FSTL4: variants seen among roughly 807,000 people sequenced by gnomAD.
FSTL4 encodes follistatin-related protein 4.
In FSTL4, 28 loss-of-function variants were observed where a neutral mutation model predicts 78.2. The ratio of observed to expected loss-of-function variants is 0.36; its 90% CI spans 0.27 to 0.49. FSTL4 has a LOEUF of 0.49. Among genes scored for constraint, FSTL4 ranks in the 20% least tolerant of loss-of-function variants. The probability of loss-of-function intolerance (pLI) is 0.98; values close to 1 mark genes in which losing one functional copy is unlikely to be tolerated. For missense variants in FSTL4, 922 were observed against 1,084.9 expected, an observed-to-expected ratio of 0.85 and a Z score of 2.11; for synonymous variants, 422 against 440.5, an observed-to-expected ratio of 0.96 and a Z score of 0.53.
At chr5:133,285,227 G>C (rs1753103489) in intron 6 of FSTL4, among the ~76,000 whole-genome samples, 1 of 152,238 alleles carries the variant, frequency 6.6e-6, no homozygotes, top group Admixed American at 6.5e-5. Flanking sequence ...AGAGAGAGAA[G>C]TCAAGAAATA....
At chr5:133,755,521 C>G in the FSTL4 span, among the ~76,000 whole-genome samples, 3 of 152,194 alleles carry the variant, frequency 2.0e-5, no homozygotes, top group Non-Finnish European at 2.9e-5. Flanking sequence ...TCTCCTCCCC[C>G]TGCCCACCAC....
the FSTL4 span, among the ~76,000 whole-genome samples, chr5:133,679,269 A>C: frequency 6.6e-6 from 1 of 152,150 alleles, no homozygotes; most frequent in Non-Finnish European, 1.5e-5. Flanking sequence ...GGAGGAAAGC[A>C]GATGTTCAGC....
chr5:133,206,393 T>C (rs1019146084), intron 14 of FSTL4, among the ~76,000 whole-genome samples: 21 of 152,274 alleles, frequency 1.4e-4, no homozygotes, highest in Admixed American at 6.5e-4. Context: ...TCTCATTCTG[T>C]CACCCAGGCT....
chr5:133,489,636 T>C (rs1758216660), intron 3 of FSTL4, among the ~76,000 whole-genome samples: 1 of 152,126 alleles, frequency 6.6e-6, no homozygotes, highest in Non-Finnish European at 1.5e-5. Flanking sequence ...TGGAGGAAAG[T>C]TCCCTTTTAG....
chr5:133,510,717 C>G (rs1206506241), intron 3 of FSTL4, among the ~76,000 whole-genome samples: 1 of 152,078 alleles, frequency 6.6e-6, no homozygotes, highest in Non-Finnish European at 1.5e-5. Context: ...TGAGAGCGCT[C>G]TCTTCATGGA....
At chr5:133,324,772 A>G (rs1276821364) in intron 4 of FSTL4, among the ~76,000 whole-genome samples, 1 of 152,224 alleles carries the variant, frequency 6.6e-6, no homozygotes, top group African/African-American at 2.4e-5. Flanking sequence ...TGCCCTGAAG[A>G]GGAGACAATC....
chr5:133,410,529 C>T (rs1053729170), intron 3 of FSTL4, among the ~76,000 whole-genome samples: 8 of 152,208 alleles, frequency 5.3e-5, no homozygotes, highest in Admixed American at 6.5e-5. Context: ...TGTGGAGTTA[C>T]TCTGTGAGCC....
the FSTL4 span, among the ~76,000 whole-genome samples, chr5:133,685,421 A>G: frequency 6.6e-6 from 1 of 152,246 alleles, no homozygotes; most frequent in Non-Finnish European, 1.5e-5. Flanking sequence ...ATCTCCGTCC[A>G]TATAGCAGTG....
chr5:133,406,630 G>T (rs1756369157), intron 3 of FSTL4, among the ~76,000 whole-genome samples: 1 of 152,170 alleles, frequency 6.6e-6, no homozygotes. Flanking sequence ...CAAGGGTTGG[G>T]ATGAGAATCT....
the FSTL4 span, among the ~76,000 whole-genome samples, chr5:133,787,630 T>C: frequency 8.8e-6 from 1 of 114,270 alleles, no homozygotes; most frequent in East Asian, 3.0e-4. Flanking sequence ...GCAGCCAAAA[T>C]CCTCACTGGA....
chr5:133,811,530 C>T, the FSTL4 span, among the ~76,000 whole-genome samples: 3 of 152,200 alleles, frequency 2.0e-5, no homozygotes, highest in East Asian at 1.9e-4. Flanking sequence ...AACCCTGAGC[C>T]GCCTTGGGCC....
intron 13 of FSTL4, among the ~76,000 whole-genome samples, chr5:133,215,480 A>T (rs556641142): frequency 5.3e-5 from 8 of 151,920 alleles, no homozygotes; most frequent in Non-Finnish European, 1.2e-4. Flanking sequence ...TTTAAACTTA[A>T]ATCACCCCCC....
chr5:133,482,900 G>C (rs1758058404), intron 3 of FSTL4, among the ~76,000 whole-genome samples: 1 of 152,174 alleles, frequency 6.6e-6, no homozygotes, highest in Non-Finnish European at 1.5e-5. Flanking sequence ...CAAAGAGCCA[G>C]GCCTGAGCAT....
chr5:133,407,362 G>A (rs1756386371), intron 3 of FSTL4, among the ~76,000 whole-genome samples: 1 of 152,226 alleles, frequency 6.6e-6, no homozygotes. Context: ...GGGCAGATGT[G>A]ATGTATTCTC....
intron 4 of FSTL4, among the ~76,000 whole-genome samples, chr5:133,389,148 C>T (rs1186911547): frequency 6.6e-6 from 1 of 152,092 alleles, no homozygotes; most frequent in African/African-American, 2.4e-5. Context: ...GCTTCTGTTT[C>T]TTGTAATAAT....
At chr5:133,674,132 T>C in the FSTL4 span, among the ~76,000 whole-genome samples, 2 of 152,156 alleles carry the variant, frequency 1.3e-5, no homozygotes, top group Admixed American at 1.3e-4. Flanking sequence ...GTGAGAGGAC[T>C]GACAACCCTT....
intron 6 of FSTL4, among the ~76,000 whole-genome samples, chr5:133,267,427 T>A (rs547295932): frequency 6.6e-6 from 1 of 152,290 alleles, no homozygotes; most frequent in South Asian, 2.1e-4. Context: ...CACAGCCGCA[T>A]AAGCCCCACA....
the FSTL4 span, among the ~76,000 whole-genome samples, chr5:133,817,202 CG>C: frequency 3.3e-5 from 5 of 152,226 alleles, no homozygotes; most frequent in African/African-American, 9.6e-5. Flanking sequence ...AGTCTATTAT[CG>C]TCCCCATTTA....
chr5:133,494,460 G>A (rs902739661), intron 3 of FSTL4, among the ~76,000 whole-genome samples: 5 of 151,850 alleles, frequency 3.3e-5, no homozygotes, highest in African/African-American at 9.7e-5. Context: ...AATCACTGGT[G>A]TTGTTACTAA....
Sources: allele counts gnomAD v4.1 joint callset (sites outside exome capture counted in the v4.1 genomes callset), GRCh38; gene constraint gnomAD v4.1.1; transcripts MANE v1.5; gene names NCBI Gene and HGNC (gene_info 2026-07-23, HGNC 2026-07-21).